The following SLC39A12 variants were observed in gnomAD, a reference collection of about 807,000 sequenced individuals.
SLC39A12 encodes zinc transporter ZIP12.
A neutral mutation model predicts 71.1 loss-of-function variants in SLC39A12; 63 were observed. That is an observed-to-expected ratio of 0.89 (90% CI 0.72 to 1.09). The LOEUF (loss-of-function observed/expected upper bound fraction) is 1.09. Ranked by LOEUF, SLC39A12 falls within the 50% of genes least tolerant of loss-of-function variation. SLC39A12 has a pLI of 0.00. For synonymous variants in SLC39A12, 351 were observed against 301.3 expected (o/e 1.16, Z -1.71); for missense variants, 892 against 812.6 (o/e 1.10, Z -1.19).
chr10:17,986,447 G>A (rs764687522), intron 6 of SLC39A12, among the ~76,000 whole-genome samples: 3 of 152,144 alleles, frequency 2.0e-5, no homozygotes, highest in Non-Finnish European at 4.4e-5. Context: ...AGCAGATTCG[G>A]CATCTGGTGA....
At chr10:18,030,341 C>T (rs1203944719) in intron 12 of SLC39A12, among the ~76,000 whole-genome samples, 4 of 151,712 alleles carry the variant, frequency 2.6e-5, no homozygotes, top group Non-Finnish European at 4.4e-5. Context: ...AGGTTCATGC[C>T]ATTCTCCTGC....
chr10:18,038,923 T>C (rs1837141551), intron 12 of SLC39A12, among the ~76,000 whole-genome samples: 1 of 152,178 alleles, frequency 6.6e-6, no homozygotes, highest in Non-Finnish European at 1.5e-5. Context: ...ATATTGATGA[T>C]TTGAAAAGTC....
chr10:18,000,638 G>C (rs1350148357), intron 10 of SLC39A12, 29 bp from the exon 11 acceptor site: 1 of 1,612,170 alleles, frequency 6.2e-7, no homozygotes, highest in Non-Finnish European at 8.5e-7. Flanking sequence ...CTCTGTTAAT[G>C]CTTCTTCTGT....
chr10:17,961,949 T>C, intron 3 of SLC39A12, 87 bp downstream of exon 3: 2 of 1,344,016 alleles, frequency 1.5e-6, no homozygotes, highest in East Asian at 4.7e-5. Flanking sequence ...TTCTAAGACA[T>C]TCAAGGACTT....
intron 12 of SLC39A12, among the ~76,000 whole-genome samples, chr10:18,007,676 C>A (rs184097474): frequency 4.6e-5 from 7 of 152,208 alleles, no homozygotes; most frequent in Non-Finnish European, 1.0e-4. Context: ...CATTCCCCCC[C>A]CTTTTTAGAC....
Position 18,041,570 on chromosome 10 carries a change from A to G in SLC39A12, c.1948-1135A>G, listed in dbSNP as rs1391609900. On this transcript the variant is annotated intron_variant, in intron 12 of 12. Coordinates refer to ENST00000377369, the MANE Select transcript of SLC39A12 (RefSeq NM_001145195.2). ...CACACACACACACGCACACATACAC[A>G]CACACATACATACACACACCATATA... 4.8e-3 allele frequency among the ~76,000 whole-genome samples: 609 copies of G among 128,170 alleles called. 31 individuals carry two copies. Among genetic ancestry groups the G allele is most frequent in the Middle Eastern group, 0.014 (3 of 222 alleles). The allele number at this position is 128,170 out of a possible 152,430, so 84.1% of individuals were successfully genotyped here. A position where few individuals can be genotyped will look rare whatever the true frequency, so the allele number is the denominator to read the frequency against.
intron 10 of SLC39A12, 90 bp downstream of exon 10, chr10:17,995,812 A>C (rs1414442856): frequency 1.7e-6 from 2 of 1,145,904 alleles, no homozygotes; most frequent in Non-Finnish European, 2.5e-6. Context: ...CTATATAGAT[A>C]TCATATTGGG....
intron 12 of SLC39A12, among the ~76,000 whole-genome samples, chr10:18,004,620 C>T (rs2497763): frequency 0.083 from 12,570 of 152,136 alleles, 680 homozygotes; most frequent in East Asian, 0.12. Flanking sequence ...GAGGTAAACA[C>T]CAAATGTCCT....
chr10:17,975,531 C>G (rs2130800529), intron 4 of SLC39A12, among the ~76,000 whole-genome samples: 1 of 152,152 alleles, frequency 6.6e-6, no homozygotes, highest in Non-Finnish European at 1.5e-5. Flanking sequence ...TGTGGCTGAG[C>G]TGGTATCCAA....
chr10:17,973,806 C>G (rs1235399024), intron 4 of SLC39A12, among the ~76,000 whole-genome samples: 1 of 151,306 alleles, frequency 6.6e-6, no homozygotes, highest in Non-Finnish European at 1.5e-5. Context: ...CTGTTATTAT[C>G]CTTTTGAATA....
intron 7 of SLC39A12, among the ~76,000 whole-genome samples, chr10:17,988,338 A>G (rs551233349): frequency 6.6e-6 from 1 of 152,066 alleles, no homozygotes; most frequent in Non-Finnish European, 1.5e-5. Context: ...TAGTTCACCC[A>G]AGACCTGGTT....
At chr10:17,984,809 T>G (rs1248342245) in intron 6 of SLC39A12, among the ~76,000 whole-genome samples, 1 of 152,216 alleles carries the variant, frequency 6.6e-6, no homozygotes, top group Admixed American at 6.5e-5. Context: ...AAACTAAAAC[T>G]CTATACCCAT....
At chr10:18,028,438 G>A (rs146915043) in intron 12 of SLC39A12, among the ~76,000 whole-genome samples, 1 of 152,298 alleles carries the variant, frequency 6.6e-6, no homozygotes, top group African/African-American at 2.4e-5. Context: ...TCAGGTTACA[G>A]ATGGAAGTGG....
chr10:18,024,849 T>C (rs1836629977), intron 12 of SLC39A12, among the ~76,000 whole-genome samples: 1 of 152,220 alleles, frequency 6.6e-6, no homozygotes, highest in African/African-American at 2.4e-5. Context: ...CATTTATCAT[T>C]ATGTAATACA....
intron 4 of SLC39A12, among the ~76,000 whole-genome samples, chr10:17,977,308 A>G (rs1215258191): frequency 6.6e-6 from 1 of 151,456 alleles, no homozygotes; most frequent in Admixed American, 6.6e-5. Context: ...ACTGAGATGT[A>G]TTTATTGACT....
chr10:18,042,685 G>GT lies in SLC39A12; in HGVS notation c.1948-14dup. ...TTGAATATATCTGGATCTTATTCTG[G>GT]TTTTTTATTCTTTTTTTAGCTTCCT... On this transcript the variant is annotated intron_variant, in intron 12 of 12. Transcript: ENST00000377369. 6.3e-7 allele frequency: 1 copy of GT among 1,594,880 alleles called. No homozygotes were observed. The highest frequency in any genetic ancestry group is 8.5e-7 in the Non-Finnish European group (1 of 1,173,614).
chr10:18,033,771 TTC>T (rs1463092833), intron 12 of SLC39A12, among the ~76,000 whole-genome samples: 2 of 147,098 alleles, frequency 1.4e-5, no homozygotes, highest in Admixed American at 6.8e-5. Flanking sequence ...CTTTCCTGCT[TTC>T]TCTTGTGGGC....
chr10:18,010,894 G>A (rs150755826), intron 12 of SLC39A12, among the ~76,000 whole-genome samples: 53 of 152,026 alleles, frequency 3.5e-4, no homozygotes, highest in African/African-American at 1.1e-3. Context: ...CTCCTCCTCC[G>A]TCCCTTCAAT....
intron 8 of SLC39A12, among the ~76,000 whole-genome samples, chr10:17,992,422 T>C (rs1835577842): frequency 6.6e-6 from 1 of 152,248 alleles, no homozygotes; most frequent in African/African-American, 2.4e-5. Context: ...AGCAGGACTT[T>C]TCTTTGGCCT....
Sources: gnomAD v4.1 joint callset for allele counts (sites outside exome capture counted in the v4.1 genomes callset) on GRCh38, gnomAD v4.1.1 for gene constraint, MANE v1.5 for transcripts, NCBI Gene and HGNC (gene_info 2026-07-23, HGNC 2026-07-21) for gene names.